Variants in SUMF1 observed in about 807,000 individuals in gnomAD.
SUMF1 encodes the protein formylglycine-generating enzyme.
In SUMF1, 48 loss-of-function variants were observed where a neutral mutation model predicts 47.6. That is an observed-to-expected ratio of 1.01 (90% confidence interval 0.80 to 1.28). SUMF1 has a LOEUF of 1.28. SUMF1 is among the 50% of genes most tolerant of loss of function. The pLI, the probability that SUMF1 is intolerant of heterozygous loss-of-function variation, is 0.00. For missense variants in SUMF1, 571 were observed against 485.4 expected (o/e 1.18, Z -1.66); for synonymous variants, 230 against 192.1 (o/e 1.20, Z -1.63).
intron 8 of SUMF1, among the ~76,000 whole-genome samples, chr3:4,250,013 G>C (rs566586381): frequency 1.3e-5 from 2 of 152,072 alleles, no homozygotes; most frequent in Admixed American, 1.3e-4. Flanking sequence ...GTAAAATGCT[G>C]TCTCTACTAA....
intron 9 of SUMF1, among the ~76,000 whole-genome samples, chr3:4,050,748 C>CAAAAAAA (rs34228101): frequency 1.5e-3 from 131 of 86,952 alleles, no homozygotes; most frequent in African/African-American, 5.1e-3. Flanking sequence ...GACCCTGTCT[C>CAAAAAAA]AAAAAAAAAA....
intron 8 of SUMF1, among the ~76,000 whole-genome samples, chr3:4,193,790 G>A (rs1419910772): frequency 6.6e-6 from 1 of 152,040 alleles, no homozygotes; most frequent in East Asian, 1.9e-4. Flanking sequence ...GGTGACCACA[G>A]GCAAGTCTTA....
At chr3:4,138,268 G>A (rs1048000918) in intron 8 of SUMF1, among the ~76,000 whole-genome samples, 4 of 152,124 alleles carry the variant, frequency 2.6e-5, no homozygotes, top group Admixed American at 2.0e-4. Context: ...TCTGTATAGT[G>A]AAAAGTTAAC....
chr3:4,375,435 G>T (rs1700298213), intron 8 of SUMF1, among the ~76,000 whole-genome samples: 1 of 152,168 alleles, frequency 6.6e-6, no homozygotes, highest in East Asian at 1.9e-4. Context: ...AAATCAGAAT[G>T]GGGGTGAGTG....
At chr3:4,275,250 T>C (rs1559641821) in intron 8 of SUMF1, among the ~76,000 whole-genome samples, 1 of 152,104 alleles carries the variant, frequency 6.6e-6, no homozygotes, top group Non-Finnish European at 1.5e-5. Context: ...TTTTAGTTTG[T>C]TGAAATAATA....
At chr3:4,432,260 T>G (rs1379175934) in intron 3 of SUMF1, among the ~76,000 whole-genome samples, 1 of 151,418 alleles carries the variant, frequency 6.6e-6, no homozygotes, top group African/African-American at 2.4e-5. Context: ...CTGTCTTTTC[T>G]TTTCTCTCTA....
intron 8 of SUMF1, among the ~76,000 whole-genome samples, chr3:4,132,859 T>G (rs1693824596): frequency 6.6e-6 from 1 of 152,122 alleles, no homozygotes; most frequent in Non-Finnish European, 1.5e-5. Flanking sequence ...GGAGATCCAT[T>G]AGGGCATCTC....
intron 2 of SUMF1, 85 bp downstream of exon 2, chr3:4,452,791 G>A (rs1043867106): frequency 8.8e-6 from 13 of 1,478,500 alleles, no homozygotes; most frequent in African/African-American, 5.5e-5. Flanking sequence ...CAGTAAAAAT[G>A]GTCAGTCAAT....
At chr3:4,181,507 A>C (rs1160907053) in intron 8 of SUMF1, among the ~76,000 whole-genome samples, 3 of 152,154 alleles carry the variant, frequency 2.0e-5, no homozygotes, top group Non-Finnish European at 4.4e-5. Context: ...TCTGAGCTCT[A>C]ATCTTCTTAG....
At chr3:4,362,322 T>A in intron 8 of SUMF1, 68 bp from the exon 9 acceptor site, 1 of 1,293,414 alleles carries the variant, frequency 7.7e-7, no homozygotes, top group Non-Finnish European at 1.1e-6. Flanking sequence ...ACCCATCAGA[T>A]GCATATTGCA....
At chr3:4,051,701 A>C (rs768002274) in intron 9 of SUMF1, among the ~76,000 whole-genome samples, 21 of 152,174 alleles carry the variant, frequency 1.4e-4, no homozygotes, top group Non-Finnish European at 2.9e-4. Flanking sequence ...GCCTGTTAGC[A>C]GAGGGGCTAT....
chr3:4,115,836 A>G (rs1693410252), intron 8 of SUMF1, among the ~76,000 whole-genome samples: 1 of 152,168 alleles, frequency 6.6e-6, no homozygotes, highest in African/African-American at 2.4e-5. Context: ...AAAAACATAA[A>G]AAATCTATTT....
chr3:4,110,996 T>TA (rs1693289647), intron 8 of SUMF1, among the ~76,000 whole-genome samples: 1 of 143,030 alleles, frequency 7.0e-6, no homozygotes. Flanking sequence ...AGTATAATAA[T>TA]AAAAAAAGAA....
chr3:4,197,237 C>T (rs115452063), intron 8 of SUMF1, among the ~76,000 whole-genome samples: 4,298 of 152,026 alleles, frequency 0.028, 87 homozygotes, highest in African/African-American at 0.05. Context: ...ACCTCAGTCT[C>T]CCGAATATTG....
At chr3:4,322,820 C>T (rs1199957838) in intron 8 of SUMF1, among the ~76,000 whole-genome samples, 1 of 152,100 alleles carries the variant, frequency 6.6e-6, no homozygotes, top group Non-Finnish European at 1.5e-5. Context: ...TACCACATGT[C>T]CCAGTAACTC....
intron 8 of SUMF1, among the ~76,000 whole-genome samples, chr3:4,318,403 G>T (rs1292553413): frequency 6.6e-6 from 1 of 152,166 alleles, no homozygotes; most frequent in East Asian, 1.9e-4. Flanking sequence ...AGCCTTTCAT[G>T]ATAAAAGCAG....
intron 3 of SUMF1, among the ~76,000 whole-genome samples, chr3:4,434,976 G>C (rs1702349470): frequency 6.6e-6 from 1 of 152,140 alleles, no homozygotes; most frequent in African/African-American, 2.4e-5. Flanking sequence ...TGCCCAGGTT[G>C]GAGTGCAGTG....
At position 4,162,905 on chromosome 3, in the gene SUMF1, TA is replaced by T. The variant is rs35485011; in HGVS notation, c.1015-94161del. On this transcript the variant is annotated intron_variant and NMD_transcript_variant, in intron 8 of 12. Coordinates refer to the SUMF1 transcript ENST00000448413. ...CAGCCATCTCACTGTGCCTCCCTCA[TA>T]AAAAAAAAAAGGTTTTGAAAGTAAT... 2.7e-3 allele frequency among the ~76,000 whole-genome samples: 386 copies of T among 143,364 alleles called. 2 individuals are homozygous for T. Among genetic ancestry groups the T allele is most frequent in the African/African-American group, 8.6e-3 (335 of 38,940 alleles). 94.1% of individuals were successfully genotyped at this position (143,364 alleles called of 152,430 possible).
intron 3 of SUMF1, among the ~76,000 whole-genome samples, chr3:4,429,020 C>G (rs1051304275): frequency 3.3e-5 from 5 of 152,182 alleles, no homozygotes; most frequent in Non-Finnish European, 7.3e-5. Context: ...AATTTCCGGT[C>G]TCCTAACATT....
Sources: allele counts gnomAD v4.1 joint callset (sites outside exome capture counted in the v4.1 genomes callset), GRCh38; gene constraint gnomAD v4.1.1; transcripts MANE v1.5; gene names NCBI Gene and HGNC (gene_info 2026-07-23, HGNC 2026-07-21).